AGMO: variants seen among roughly 807,000 people sequenced by gnomAD.
AGMO encodes the protein glyceryl-ether monooxygenase.
In AGMO, 75 loss-of-function variants were observed where a neutral mutation model predicts 60.2. That is an observed-to-expected ratio of 1.25 (90% confidence interval 1.03 to 1.51). The LOEUF (loss-of-function observed/expected upper bound fraction) is 1.51. Ranked by LOEUF, AGMO falls within the 40% of genes most tolerant of loss-of-function variation. The probability of loss-of-function intolerance (pLI) is 0.00; values close to 1 mark genes in which losing one functional copy is unlikely to be tolerated. For missense variants in AGMO, 763 were observed against 525.5 expected (o/e 1.45, Z -4.42); for synonymous variants, 261 against 177.1 (o/e 1.47, Z -3.76).
chr7:15,166,849 A>G, the AGMO span, among the ~76,000 whole-genome samples: 1 of 152,200 alleles, frequency 6.6e-6, no homozygotes, highest in Non-Finnish European at 1.5e-5. Context: ...GGCATTTCTG[A>G]CAACTGAGAT....
chr7:15,170,515 T>C, the AGMO span, among the ~76,000 whole-genome samples: 1 of 152,198 alleles, frequency 6.6e-6, no homozygotes, highest in Middle Eastern at 3.2e-3. Context: ...TGCATACATC[T>C]ATATGCACTT....
At chr7:15,263,599 T>C (rs1463943575) in intron 12 of AGMO, among the ~76,000 whole-genome samples, 1 of 152,016 alleles carries the variant, frequency 6.6e-6, no homozygotes, top group Admixed American at 6.6e-5. Context: ...AGTCATTATA[T>C]GAAAAAATAA....
intron 3 of AGMO, among the ~76,000 whole-genome samples, chr7:15,515,204 A>C (rs1783777393): frequency 6.6e-6 from 1 of 152,198 alleles, no homozygotes; most frequent in Non-Finnish European, 1.5e-5. Context: ...AAACTACTAA[A>C]AGGTTTTACT....
intron 12 of AGMO, among the ~76,000 whole-genome samples, chr7:15,341,181 A>C (rs1781835666): frequency 6.6e-6 from 1 of 152,172 alleles, no homozygotes; most frequent in South Asian, 2.1e-4. Context: ...AAATTTCTGC[A>C]GCCTGCTTGA....
chr7:15,271,192 C>T (rs531835156), intron 12 of AGMO, among the ~76,000 whole-genome samples: 1 of 152,174 alleles, frequency 6.6e-6, no homozygotes, highest in East Asian at 1.9e-4. Flanking sequence ...ACTGATATTT[C>T]TTACTCAGTG....
At chr7:15,497,385 T>G (rs2128523660) in intron 3 of AGMO, among the ~76,000 whole-genome samples, 1 of 152,250 alleles carries the variant, frequency 6.6e-6, no homozygotes, top group South Asian at 2.1e-4. Flanking sequence ...AAAGATATCT[T>G]ATTTCACAGG....
In AGMO at chr7:15,378,148, T is replaced by C. The variant is rs563640803; in HGVS notation, c.1074+7298A>G. Among the ~76,000 whole-genome samples, 47 of 152,174 alleles carry C rather than the reference T, an allele frequency of 3.1e-4. No individual in the cohort carries two copies. In the Middle Eastern group the frequency reaches 0.014, roughly 44 times the overall value. On this transcript the variant is annotated intron_variant, in intron 10 of 12. Transcript: ENST00000342526. ...AAAATGGAAACAAGAATCTAACTCA[T>C]TGTTTTCTGCTACAGTAATACAAGT...
intron 12 of AGMO, among the ~76,000 whole-genome samples, chr7:15,301,997 T>G (rs1703111995): frequency 6.6e-6 from 1 of 152,172 alleles, no homozygotes; most frequent in Non-Finnish European, 1.5e-5. Context: ...CCTCAACTTT[T>G]TCTTAATGTT....
intron 12 of AGMO, among the ~76,000 whole-genome samples, chr7:15,288,021 A>G (rs1784148960): frequency 6.6e-6 from 1 of 151,644 alleles, no homozygotes; most frequent in Admixed American, 6.6e-5. Flanking sequence ...AAATAACAAT[A>G]ATTTTATTGA....
rs115558220 is a variant in AGMO, at chr7:15,437,889, A to C, written c.410-6781T>G. 2.2e-3 allele frequency among the ~76,000 whole-genome samples: 336 copies of C among 152,280 alleles called. 1 individual carries two copies. The highest frequency in any genetic ancestry group is 7.6e-3 in the African/African-American group (317 of 41,558). On this transcript the variant is annotated intron_variant, in intron 3 of 12. Transcript: ENST00000342526. The stretch of plus-strand genomic sequence containing the variant: ...TAATCTCTCTAGAAGAGTAAGCTCC[A>C]TGAGTCTTTAGGAGTCACTTTAGGA...
At chr7:15,192,775 T>C in the AGMO span, among the ~76,000 whole-genome samples, 20 of 152,104 alleles carry the variant, frequency 1.3e-4, no homozygotes, top group African/African-American at 4.8e-4. Context: ...TCCATTTGAG[T>C]GTTCCCCCTC....
At chr7:15,339,814 G>A (rs957943235) in intron 12 of AGMO, among the ~76,000 whole-genome samples, 5 of 152,114 alleles carry the variant, frequency 3.3e-5, no homozygotes, top group African/African-American at 4.8e-5. Context: ...ATGAAAGCAT[G>A]ATATTTCTAA....
the AGMO span, among the ~76,000 whole-genome samples, chr7:15,184,067 T>C: frequency 6.6e-6 from 1 of 152,178 alleles, no homozygotes; most frequent in African/African-American, 2.4e-5. Context: ...AATCTCTTCA[T>C]CTGCATCAAT....
chr7:15,538,872 A>G (rs1784545080), intron 3 of AGMO, among the ~76,000 whole-genome samples: 1 of 152,200 alleles, frequency 6.6e-6, no homozygotes, highest in Non-Finnish European at 1.5e-5. Flanking sequence ...ATTTGTAACT[A>G]CACAAAAATT....
rs145613887 is a variant in AGMO at position 15,390,885 on chromosome 7, C to T, written c.697G>A (p.Asp233Asn). 2 of 1,602,340 alleles carry T rather than the reference C, an allele frequency of 1.2e-6. No homozygotes were observed. Among genetic ancestry groups the T allele is most frequent in the Non-Finnish European group, 1.7e-6 (2 of 1,173,790 alleles). ...VHHGRNRYCI[D>N]KNYAGVLIIW... is the part of the protein sequence containing the mutation. Reference sequence around the variant, plus strand: ...ATAAGAACACCAGCATAATTTTTGTCTATGCAATAACGATTTCTGCCTATG... The same window carrying T: ...ATAAGAACACCAGCATAATTTTTGTTTATGCAATAACGATTTCTGCCTATG... Residue 233 changes from aspartate (D) to asparagine (N), a missense_variant, in exon 7 of 13, where the codon GAC becomes AAC. Transcript: ENST00000342526.
intron 10 of AGMO, among the ~76,000 whole-genome samples, chr7:15,377,935 AAG>A (rs1783520432): frequency 6.6e-6 from 1 of 152,060 alleles, no homozygotes; most frequent in Non-Finnish European, 1.5e-5. Context: ...TTGGTCCAAA[AAG>A]AAATTCTTGG....
intron 3 of AGMO, among the ~76,000 whole-genome samples, chr7:15,519,401 C>A (rs532896192): frequency 3.3e-5 from 5 of 152,084 alleles, no homozygotes; most frequent in African/African-American, 1.2e-4. Flanking sequence ...TAAGGACAGC[C>A]AGAGAATAAG....
intron 3 of AGMO, among the ~76,000 whole-genome samples, chr7:15,514,346 A>C (rs1054723346): frequency 2.0e-5 from 3 of 152,118 alleles, no homozygotes; most frequent in African/African-American, 7.2e-5. Context: ...GTCACCACAT[A>C]CTTGTTATAT....
chr7:15,547,555 C>G (rs1784818009), intron 2 of AGMO, among the ~76,000 whole-genome samples: 1 of 152,044 alleles, frequency 6.6e-6, no homozygotes. Context: ...AAAGGGGTGA[C>G]AGACGCACCT....
Sources: allele counts gnomAD v4.1 joint callset (sites outside exome capture counted in the v4.1 genomes callset), GRCh38; gene constraint gnomAD v4.1.1; transcripts MANE v1.5; gene names NCBI Gene and HGNC (gene_info 2026-07-23, HGNC 2026-07-21).